Variants in ARL15 observed in about 807,000 individuals in gnomAD.
The protein encoded by ARL15 is ADP-ribosylation factor-like protein 15.
In ARL15, 19 loss-of-function variants were observed where a neutral mutation model predicts 25.2. The observed-to-expected ratio is 0.75, with a 90% CI of 0.53 to 1.10. The LOEUF (loss-of-function observed/expected upper bound fraction) is 1.10. Among genes scored for constraint, ARL15 ranks in the 50% least tolerant of loss-of-function variants. The pLI is 0.00. For missense variants in ARL15, 220 were observed against 246.0 expected, an observed-to-expected ratio of 0.89 and a Z score of 0.71; for synonymous variants, 94 against 86.8, an observed-to-expected ratio of 1.08 and a Z score of -0.46.
chr5:54,023,397 C>T (rs762973396), intron 4 of ARL15, among the ~76,000 whole-genome samples: 2 of 151,976 alleles, frequency 1.3e-5, no homozygotes, highest in Non-Finnish European at 2.9e-5. Flanking sequence ...GGTAAAGAGA[C>T]GGTTAAGTCG....
chr5:54,085,704 C>G (rs1363666805), intron 4 of ARL15, among the ~76,000 whole-genome samples: 1 of 152,144 alleles, frequency 6.6e-6, no homozygotes, highest in East Asian at 1.9e-4. Flanking sequence ...CTAACTTGTA[C>G]TCTTAGATAC....
At chr5:54,062,044 G>C (rs1751080489) in intron 4 of ARL15, among the ~76,000 whole-genome samples, 1 of 152,214 alleles carries the variant, frequency 6.6e-6, no homozygotes, top group African/African-American at 2.4e-5. Flanking sequence ...AATAATTTTG[G>C]AGCTTTAAGA....
Position 54,239,985 on chromosome 5 carries a change from T to A in ARL15, c.49-68057A>T, listed in dbSNP as rs546589652. Among the ~76,000 whole-genome samples, 4 of 152,272 alleles carry A rather than the reference T, an allele frequency of 2.6e-5. No individual in the cohort carries two copies. The East Asian group carries it at 7.7e-4, about 29-fold the overall frequency. The stretch of plus-strand genomic sequence containing the variant: ...GCTCAGGCCTGTAATCCCAGCACTT[T>A]GGGAGGCCGAGGCAGGCGGATCACG... On this transcript the variant is annotated intron_variant, in intron 1 of 4. Coordinates refer to ENST00000504924, the MANE Select transcript of ARL15 (RefSeq NM_019087.3).
In ARL15 at chr5:54,113,348, CA is replaced by C. The variant is rs1579811939; in HGVS notation, c.315del (p.Phe105LeufsTer3). 1 of 1,613,970 alleles carries C rather than the reference CA, an allele frequency of 6.2e-7. No homozygotes were observed. The highest frequency in any genetic ancestry group is 1.3e-5 in the African/African-American group (1 of 75,050). ...TCCTCTGAAGAGGCACTGTCTAATA[CA>C]AATATTACCCCTTGAGATCCTTGGT... is the stretch of plus-strand genomic sequence containing the variant. ...RYYQGSQGVI[F>X]VLDSASSEDD... On this transcript the variant is annotated frameshift_variant, in exon 4 of 5. Transcript: ENST00000504924. LOFTEE classifies it high-confidence loss of function.
chr5:54,158,815 G>C (rs1754317752), intron 2 of ARL15, among the ~76,000 whole-genome samples: 1 of 152,212 alleles, frequency 6.6e-6, no homozygotes. Context: ...AGAGGTTACA[G>C]TGAGCCGAGA....
At position 54,310,528 on chromosome 5, in the gene ARL15, C is replaced by T; in HGVS notation, c.-49G>A. ...CGGCTCCGAACCCGGAAAAAAAAAG[C>T]AGCGTCTCTGGCTGCGAGCGAGCAG... is the stretch of plus-strand genomic sequence containing the variant. On this transcript the variant is annotated 5_prime_UTR_variant, in exon 1 of 5. Coordinates refer to ENST00000504924, the MANE Select transcript of ARL15 (RefSeq NM_019087.3). 1 of 1,558,104 alleles carries T rather than the reference C, an allele frequency of 6.4e-7. No homozygotes were observed. Among genetic ancestry groups the T allele is most frequent in the Non-Finnish European group, 8.7e-7 (1 of 1,149,934 alleles).
chr5:54,020,376 TG>T (rs1205008068), intron 4 of ARL15, among the ~76,000 whole-genome samples: 3 of 151,778 alleles, frequency 2.0e-5, no homozygotes, highest in African/African-American at 4.8e-5. Context: ...TCTCCCAGAG[TG>T]GGGGTATCAT....
chr5:53,996,955 A>G (rs373797889), intron 4 of ARL15, among the ~76,000 whole-genome samples: 1 of 152,208 alleles, frequency 6.6e-6, no homozygotes, highest in Non-Finnish European at 1.5e-5. Context: ...GAAAGAGTTC[A>G]GAGATGTGGG....
intron 2 of ARL15, 21 bp from the exon 3 acceptor site, chr5:54,154,660 C>T: frequency 6.9e-7 from 1 of 1,447,772 alleles, no homozygotes; most frequent in Non-Finnish European, 9.2e-7. Flanking sequence ...AAAACAAAAA[C>T]ATAAAAAAAG....
intron 4 of ARL15, among the ~76,000 whole-genome samples, chr5:54,013,865 T>C (rs1240760689): frequency 6.6e-6 from 1 of 151,834 alleles, no homozygotes; most frequent in Non-Finnish European, 1.5e-5. Flanking sequence ...AAACTACCCT[T>C]GAAAAGCTCT....
At chr5:54,238,818 T>C (rs1380297385) in intron 1 of ARL15, among the ~76,000 whole-genome samples, 8 of 152,178 alleles carry the variant, frequency 5.3e-5, no homozygotes, top group African/African-American at 1.9e-4. Context: ...TGACTCAGGG[T>C]AGACTGACTC....
chr5:54,063,191 G>A (rs537659847), intron 4 of ARL15, among the ~76,000 whole-genome samples: 2 of 152,380 alleles, frequency 1.3e-5, no homozygotes, highest in South Asian at 2.1e-4. Context: ...TCACAAGGAT[G>A]CAGCGTGTCT....
At chr5:54,117,418 G>T (rs1752939002) in intron 3 of ARL15, among the ~76,000 whole-genome samples, 1 of 129,950 alleles carries the variant, frequency 7.7e-6, no homozygotes, top group Non-Finnish European at 1.7e-5. Context: ...AACCCAAAGA[G>T]AAATACCATA....
chr5:54,249,174 T>C (rs1453442210), intron 1 of ARL15, among the ~76,000 whole-genome samples: 1 of 152,154 alleles, frequency 6.6e-6, no homozygotes, highest in African/African-American at 2.4e-5. Context: ...AAATGATCAG[T>C]AGTATCATAA....
At chr5:54,134,043 A>G (rs761468296) in intron 3 of ARL15, among the ~76,000 whole-genome samples, 6 of 152,224 alleles carry the variant, frequency 3.9e-5, no homozygotes, top group Non-Finnish European at 8.8e-5. Flanking sequence ...CATACAAGAT[A>G]GCAGAAAAAC....
Position 54,041,809 on chromosome 5 carries a change from C to G in ARL15, c.462+71393G>C, listed in dbSNP as rs140175260. Among the ~76,000 whole-genome samples the G allele has an allele frequency of 6.1e-3, 923 of 152,260 alleles. 4 individuals carry two copies. Among genetic ancestry groups the G allele is most frequent in the Non-Finnish European group, 0.01 (714 of 68,020 alleles). ...AATTGACGCCCCAGGAACTCTGAAT[C>G]AGGGAACTCTGAGTTGCAGAGAAAA... On this transcript the variant is annotated intron_variant, in intron 4 of 4. Coordinates refer to ENST00000504924, the MANE Select transcript of ARL15 (RefSeq NM_019087.3).
intron 4 of ARL15, among the ~76,000 whole-genome samples, chr5:53,979,035 G>A (rs1025796870): frequency 1.3e-5 from 2 of 152,098 alleles, no homozygotes; most frequent in African/African-American, 4.8e-5. Context: ...CTTTATCAAG[G>A]GAGTCAGTAT....
chr5:54,242,838 C>T (rs548075722), intron 1 of ARL15, among the ~76,000 whole-genome samples: 11 of 152,200 alleles, frequency 7.2e-5, no homozygotes, highest in African/African-American at 2.2e-4. Flanking sequence ...AAAATTATAA[C>T]GAACACACCT....
intron 1 of ARL15, among the ~76,000 whole-genome samples, chr5:54,206,767 G>A (rs1579910691): frequency 6.6e-6 from 1 of 152,258 alleles, no homozygotes; most frequent in South Asian, 2.1e-4. Flanking sequence ...CAGGGAAAGA[G>A]GAGAATAGAA....
Sources: allele counts gnomAD v4.1 joint callset (sites outside exome capture counted in the v4.1 genomes callset), GRCh38; gene constraint gnomAD v4.1.1; transcripts MANE v1.5; gene names NCBI Gene and HGNC (gene_info 2026-07-23, HGNC 2026-07-21).